Variants in LDLRAD3 observed in about 807,000 individuals in gnomAD.
LDLRAD3 encodes the protein low-density lipoprotein receptor class A domain-containing protein 3.
LDLRAD3 carries 20 observed loss-of-function variants against 29.4 expected under a neutral mutation model. That is an observed-to-expected ratio of 0.68 (90% CI 0.48 to 0.99). The LOEUF is 0.99. Among genes scored for constraint, LDLRAD3 ranks in the 50% least tolerant of loss-of-function variants. The probability of loss-of-function intolerance (pLI) is 0.00; values close to 1 mark genes in which losing one functional copy is unlikely to be tolerated. For missense variants in LDLRAD3, 420 were observed against 454.3 expected (o/e 0.92, Z 0.69); for synonymous variants, 157 against 192.7 (o/e 0.81, Z 1.53).
At chr11:35,962,600 A>G (rs952198604) in intron 1 of LDLRAD3, among the ~76,000 whole-genome samples, 10 of 152,214 alleles carry the variant, frequency 6.6e-5, no homozygotes, top group African/African-American at 2.2e-4. Flanking sequence ...ATGAGTTCAT[A>G]CAGTGGACTA....
chr11:36,183,379 T>C (rs930822107), intron 4 of LDLRAD3, among the ~76,000 whole-genome samples: 1 of 152,270 alleles, frequency 6.6e-6, no homozygotes, highest in Non-Finnish European at 1.5e-5. Flanking sequence ...TTTCAAAATA[T>C]GTTTTGATTT....
At chr11:36,008,455 G>A (rs1014635037) in intron 1 of LDLRAD3, among the ~76,000 whole-genome samples, 1 of 152,144 alleles carries the variant, frequency 6.6e-6, no homozygotes, top group Non-Finnish European at 1.5e-5. Flanking sequence ...TAGAATCTGG[G>A]GAGAGGGATC....
intron 2 of LDLRAD3, among the ~76,000 whole-genome samples, chr11:36,062,524 C>T (rs1234172891): frequency 2.0e-5 from 3 of 152,162 alleles, no homozygotes; most frequent in African/African-American, 7.2e-5. Context: ...TCAAATCCAT[C>T]TCCCTGACTG....
At chr11:36,144,525 G>A (rs1167189183) in intron 4 of LDLRAD3, among the ~76,000 whole-genome samples, 1 of 150,654 alleles carries the variant, frequency 6.6e-6, no homozygotes, top group Non-Finnish European at 1.5e-5. Context: ...GATGTGGGGA[G>A]CGCCTCTGCC....
chr11:36,057,921 C>T (rs945188324), intron 2 of LDLRAD3, among the ~76,000 whole-genome samples: 1 of 152,214 alleles, frequency 6.6e-6, no homozygotes. Context: ...AAATCTTGTG[C>T]AAGTCACTGA....
chr11:36,037,218 G>A (rs948249153), intron 2 of LDLRAD3, among the ~76,000 whole-genome samples: 1 of 152,150 alleles, frequency 6.6e-6, no homozygotes, highest in Non-Finnish European at 1.5e-5. Flanking sequence ...ACCAGGCCAC[G>A]TGGCCTGTCT....
At chr11:36,052,910 A>C (rs1250778314) in intron 2 of LDLRAD3, among the ~76,000 whole-genome samples, 1 of 152,076 alleles carries the variant, frequency 6.6e-6, no homozygotes, top group Non-Finnish European at 1.5e-5. Flanking sequence ...GGTCTAGCAT[A>C]TCTGTCATAA....
intron 4 of LDLRAD3, among the ~76,000 whole-genome samples, chr11:36,191,576 C>CTCTCTCTATATATA (rs377747518): frequency 1.1e-4 from 6 of 53,410 alleles, no homozygotes; most frequent in African/African-American, 1.7e-4. Context: ...CTCTCTCTCT[C>CTCTCTCTATATATA]TATATATATA....
At chr11:36,207,709 A>G (rs929717408) in intron 4 of LDLRAD3, among the ~76,000 whole-genome samples, 3 of 152,094 alleles carry the variant, frequency 2.0e-5, no homozygotes, top group Admixed American at 6.6e-5. Flanking sequence ...AATAAGTCCA[A>G]CCACAACTCA....
chr11:36,196,335 G>A (rs1855032765), intron 4 of LDLRAD3: 1 of 152,214 alleles, frequency 6.6e-6, no homozygotes, highest in Non-Finnish European at 1.5e-5. Context: ...CCTGCAGCCC[G>A]TGAAGTCACG....
At chr11:35,976,336 G>A (rs1851475450) in intron 1 of LDLRAD3, among the ~76,000 whole-genome samples, 1 of 152,070 alleles carries the variant, frequency 6.6e-6, no homozygotes, top group South Asian at 2.1e-4. Flanking sequence ...AGCTCTTCCT[G>A]AGATGCAGAG....
intron 4 of LDLRAD3, among the ~76,000 whole-genome samples, chr11:36,223,939 C>T (rs1346689867): frequency 6.6e-6 from 1 of 151,620 alleles, no homozygotes; most frequent in Non-Finnish European, 1.5e-5. Context: ...AATTCTGGAG[C>T]TGGATAGTGG....
At chr11:36,093,145 G>A (rs1208028055) in intron 3 of LDLRAD3, among the ~76,000 whole-genome samples, 1 of 152,168 alleles carries the variant, frequency 6.6e-6, no homozygotes, top group African/African-American at 2.4e-5. Flanking sequence ...GGGAAGGGAA[G>A]TGAGTGCTCA....
intron 4 of LDLRAD3, among the ~76,000 whole-genome samples, chr11:36,121,771 C>T (rs1369023667): frequency 1.3e-5 from 2 of 152,320 alleles, no homozygotes; most frequent in East Asian, 3.9e-4. Context: ...AAAAGGTCGC[C>T]TCTAGTTTGG....
intron 2 of LDLRAD3, among the ~76,000 whole-genome samples, chr11:36,060,144 G>C (rs1852675809): frequency 6.6e-6 from 1 of 152,124 alleles, no homozygotes; most frequent in Admixed American, 6.5e-5. Flanking sequence ...CACGAGGTCA[G>C]GTGATTGAGA....
At chr11:36,054,873 ATGGATGGATGCC>A (rs1852588579) in intron 2 of LDLRAD3, among the ~76,000 whole-genome samples, 2 of 148,492 alleles carry the variant, frequency 1.3e-5, no homozygotes, top group Admixed American at 6.7e-5. Context: ...GGATGAATGG[ATGGATGGATGCC>A]TGGATGGATG....
chr11:36,019,902 G>A (rs1056697072), intron 1 of LDLRAD3, among the ~76,000 whole-genome samples: 5 of 152,162 alleles, frequency 3.3e-5, no homozygotes, highest in South Asian at 2.1e-4. Flanking sequence ...TCAGAGAGGC[G>A]TTGTCACCTG....
intron 1 of LDLRAD3, among the ~76,000 whole-genome samples, chr11:35,970,386 A>G (rs1851397295): frequency 6.6e-6 from 1 of 152,220 alleles, no homozygotes; most frequent in African/African-American, 2.4e-5. Flanking sequence ...CAGACACTGG[A>G]GCATGTAGGT....
At chr11:36,201,309 A>G (rs1020079299) in intron 4 of LDLRAD3, among the ~76,000 whole-genome samples, 2 of 152,208 alleles carry the variant, frequency 1.3e-5, no homozygotes, top group African/African-American at 2.4e-5. Context: ...TGAGACATTT[A>G]TGGGACTGGC....
Sources: allele counts gnomAD v4.1 joint callset (sites outside exome capture counted in the v4.1 genomes callset), GRCh38; gene constraint gnomAD v4.1.1; transcripts MANE v1.5; gene names NCBI Gene and HGNC (gene_info 2026-07-23, HGNC 2026-07-21).